Variants in CDH15 observed in about 807,000 individuals in gnomAD.
CDH15 encodes the protein cadherin-15.
A neutral mutation model predicts 69.4 loss-of-function variants in CDH15; 73 were observed. The observed-to-expected ratio is 1.05, with a 90% confidence interval of 0.87 to 1.28. The LOEUF is 1.28. CDH15 is among the 50% of genes most tolerant of loss of function. CDH15 has a pLI of 0.00. For missense variants in CDH15, 1,343 were observed against 1,133.6 expected, an observed-to-expected ratio of 1.18 and a Z score of -2.65; for synonymous variants, 624 against 507.7, an observed-to-expected ratio of 1.23 and a Z score of -3.08.
intron 13 of CDH15, 139 bp downstream of exon 13, chr16:89,194,052 A>G: frequency 7.7e-6 from 8 of 1,042,282 alleles, no homozygotes; most frequent in Non-Finnish European, 1.1e-5. Context: ...CCGCAGAGGA[A>G]GATGGTGTGC....
chr16:89,188,912 CCACACACA>C (rs1915566644), intron 7 of CDH15, among the ~76,000 whole-genome samples: 1 of 136,906 alleles, frequency 7.3e-6, no homozygotes, highest in South Asian at 2.4e-4. Flanking sequence ...ACACACATGC[CCACACACA>C]GGTGCCCACA....
At chr16:89,174,849 A>T (rs928851851) in intron 1 of CDH15, among the ~76,000 whole-genome samples, 1 of 151,938 alleles carries the variant, frequency 6.6e-6, no homozygotes, top group African/African-American at 2.4e-5. Flanking sequence ...TGCGTCCCCT[A>T]CCCCAGGTGC....
rs184884413 is a variant in CDH15, at chr16:89,190,699, A to T, written c.1232+203A>T. Reference sequence around the variant, plus strand: ...GACCTCACCCCCTAGGGCAGGCCCAACTCCAGCCTGTGCACGCCAGTCTGT... The same window carrying T: ...GACCTCACCCCCTAGGGCAGGCCCATCTCCAGCCTGTGCACGCCAGTCTGT... On this transcript the variant is annotated intron_variant, in intron 8 of 13. Coordinates refer to ENST00000289746, the MANE Select transcript of CDH15 (RefSeq NM_004933.3). 7.9e-5 allele frequency among the ~76,000 whole-genome samples: 12 copies of T among 151,498 alleles called. No individual in the cohort carries two copies. In the East Asian group the frequency reaches 1.8e-3, roughly 22 times the overall value.
chr16:89,194,106 C>T (rs1201982850), intron 13 of CDH15, among the ~76,000 whole-genome samples, 193 bp downstream of exon 13: 2 of 152,234 alleles, frequency 1.3e-5, no homozygotes, highest in African/African-American at 4.8e-5. Context: ...CAAACTGGGC[C>T]CTCAGCCTCC....
chr16:89,185,281 T>C lies in CDH15; in HGVS notation c.611T>C (p.Ile204Thr). Residue 204 changes from isoleucine to threonine, a missense_variant, in exon 5 of 14, where the codon ATC becomes ACC. By Grantham distance (89) the Ile-to-Thr change is moderately conservative. Coordinates refer to ENST00000289746, the MANE Select transcript of CDH15 (RefSeq NM_004933.3). ...CAGGGCAGCCCCGAGCTCTTCAGCA[T>C]CGACGAGCTCACAGGAGAGATCCGC... ...LQQGSPELFS[I>T]DELTGEIRTV... 1.2e-6 allele frequency: 2 copies of C among 1,606,130 alleles called. No homozygotes were observed. Among genetic ancestry groups the C allele is most frequent in the Non-Finnish European group, 1.7e-6 (2 of 1,176,764 alleles).
At chr16:89,192,491 C>T (rs1207772865) in intron 11 of CDH15, 47 bp downstream of exon 11, 4 of 1,552,048 alleles carry the variant, frequency 2.6e-6, no homozygotes, top group Non-Finnish European at 3.5e-6. Context: ...CCCTCGGACC[C>T]TCCTCCCCAG....
chr16:89,189,684 G>A (rs1915594146), intron 7 of CDH15, among the ~76,000 whole-genome samples: 1 of 152,252 alleles, frequency 6.6e-6, no homozygotes, highest in African/African-American at 2.4e-5. Context: ...GGTTCTACCA[G>A]AGAAAGAGGC....
chr16:89,183,184 A>G (rs1019902625), intron 3 of CDH15: 8 of 202,578 alleles, frequency 3.9e-5, no homozygotes, highest in Admixed American at 3.2e-4. Flanking sequence ...CTCTATCTCA[A>G]AAAAAAAAAC....
intron 3 of CDH15, chr16:89,183,099 T>G (rs553810795): frequency 6.3e-6 from 1 of 159,810 alleles, no homozygotes; most frequent in African/African-American, 2.4e-5. Context: ...GGAGAATCGC[T>G]TGAACCCAGG....
chr16:89,187,358 C>T (rs1239543842), intron 5 of CDH15, 71 bp from the exon 6 acceptor site: 20 of 1,590,260 alleles, frequency 1.3e-5, no homozygotes, highest in Non-Finnish European at 1.6e-5. Flanking sequence ...TGGCCTGGCT[C>T]CCACCCCTGA....
chr16:89,173,036 G>A (rs1915189148), intron 1 of CDH15, among the ~76,000 whole-genome samples: 1 of 152,098 alleles, frequency 6.6e-6, no homozygotes, highest in East Asian at 1.9e-4. Flanking sequence ...GCCCCTGGCA[G>A]CTGACCAGGC....
Position 89,190,427 on chromosome 16 carries a change from C to T in CDH15, c.1163C>T (p.Ala388Val), listed in dbSNP as rs768721718. The change falls in exon 8 of 14, where the codon GCA becomes GTA. Residue 388 changes from alanine (A) to valine (V), a missense_variant. Physicochemically the swap from Ala to Val is moderately conservative, Grantham distance 64. Transcript: ENST00000289746. ...CTTCGGACCAGCCTAGCAGAGGGGG[C>T]ACCCCCAGGCACTCTGGTGGCCACC... ...NPLRTSLAEG[A>V]PPGTLVATFS... The T allele has an allele frequency of 5.7e-5, 92 of 1,609,796 alleles. No homozygotes were observed. The highest frequency in any genetic ancestry group is 7.6e-5 in the Non-Finnish European group (90 of 1,178,962).
chr16:89,181,853 C>T (rs1045974900), intron 3 of CDH15, among the ~76,000 whole-genome samples: 3 of 151,430 alleles, frequency 2.0e-5, no homozygotes, highest in Admixed American at 6.6e-5. Flanking sequence ...GCAGGAGAAT[C>T]GCTGGAACCC....
chr16:89,187,561 C>T lies in CDH15; in HGVS notation c.792+4C>T, dbSNP rs1040086664. 3.1e-6 allele frequency: 5 copies of T among 1,613,246 alleles called. No homozygotes were observed. In the African/African-American group the frequency reaches 6.7e-5, roughly 22 times the overall value. On this transcript the variant is annotated splice_donor_region_variant and intron_variant, in intron 6 of 13. Transcript: ENST00000289746. ...CCCCGAGTTCACCAGGGATGAGGTG[C>T]TGCTGCTGTCCCTCCCTCGAAAGTA...
chr16:89,192,007 A>G (rs1004534530), intron 10 of CDH15, 113 bp downstream of exon 10: 1 of 1,198,870 alleles, frequency 8.3e-7, no homozygotes, highest in African/African-American at 1.5e-5. Context: ...TGGTCCTGCA[A>G]CAGGTCCCCT....
intron 5 of CDH15, 110 bp from the exon 6 acceptor site, chr16:89,187,319 G>C: frequency 7.6e-7 from 1 of 1,323,956 alleles, no homozygotes; most frequent in South Asian, 1.2e-5. Flanking sequence ...CACCCACTGG[G>C]TGCTCCCGTA....
chr16:89,194,034 C>A, intron 13 of CDH15, 121 bp downstream of exon 13: 2 of 1,134,956 alleles, frequency 1.8e-6, no homozygotes, highest in Non-Finnish European at 2.5e-6. Context: ...ATGGGCCGTC[C>A]CAGAGCACCG....
intron 5 of CDH15, chr16:89,186,232 C>T (rs1915483343): frequency 1.2e-5 from 1 of 84,814 alleles, no homozygotes; most frequent in Non-Finnish European, 2.5e-5. Context: ...ACAGTAGGTG[C>T]TCTGTAAACG....
Position 89,193,570 on chromosome 16 carries a change from C to A in CDH15, c.1956C>A (p.Leu652=), listed in dbSNP as rs933415386. 1 of 1,603,652 alleles carries A rather than the reference C, an allele frequency of 6.2e-7. No homozygotes were observed. Among genetic ancestry groups the A allele is most frequent in the African/African-American group, 1.3e-5 (1 of 74,834 alleles). The change falls in exon 12 of 14, where the codon CTC becomes CTA. Residue 652 remains leucine (L), a synonymous_variant. Transcript: ENST00000289746. The part of the protein sequence containing the change: ...GPQDDLRDNV[L]NYDEQGGGEE... ...AGGACGACCTTCGAGACAATGTCCT[C>A]AACTACGATGAGCAAGGAGGCGGGG...
Sources: gnomAD v4.1 joint callset for allele counts (sites outside exome capture counted in the v4.1 genomes callset) on GRCh38, gnomAD v4.1.1 for gene constraint, MANE v1.5 for transcripts, NCBI Gene and HGNC (gene_info 2026-07-23, HGNC 2026-07-21) for gene names.